The following FRK variants were observed in gnomAD, a reference collection of about 807,000 sequenced individuals.
FRK encodes tyrosine-protein kinase FRK.
A neutral mutation model predicts 56.4 loss-of-function variants in FRK; 51 were observed. The ratio of observed to expected loss-of-function variants is 0.90; its 90% CI spans 0.72 to 1.14. The LOEUF (loss-of-function observed/expected upper bound fraction) is 1.14, where lower values mean the gene tolerates loss of function less well. FRK is among the 50% of genes most tolerant of loss of function. FRK has a pLI of 0.00. For synonymous variants in FRK, 245 were observed against 217.9 expected, an observed-to-expected ratio of 1.12 and a Z score of -1.10; for missense variants, 570 against 601.4, an observed-to-expected ratio of 0.95 and a Z score of 0.55.
the FRK span, among the ~76,000 whole-genome samples, chr6:116,084,314 T>C: frequency 6.6e-6 from 1 of 151,986 alleles, no homozygotes; most frequent in South Asian, 2.1e-4. Flanking sequence ...TTTAAAATAG[T>C]ATTTATTATT....
chr6:116,015,780 G>A (rs1775625198), intron 1 of FRK, among the ~76,000 whole-genome samples: 1 of 152,150 alleles, frequency 6.6e-6, no homozygotes, highest in South Asian at 2.1e-4. Context: ...CTGCCCTAGT[G>A]ATCTGTGGAA....
intron 1 of FRK, among the ~76,000 whole-genome samples, chr6:116,018,657 T>A (rs923393970): frequency 6.6e-6 from 1 of 152,206 alleles, no homozygotes; most frequent in Non-Finnish European, 1.5e-5. Flanking sequence ...TATACAAATA[T>A]GTGTTTTGAG....
intron 5 of FRK, among the ~76,000 whole-genome samples, chr6:115,950,569 G>T (rs1429832625): frequency 6.6e-6 from 1 of 152,202 alleles, no homozygotes; most frequent in Non-Finnish European, 1.5e-5. Context: ...CACTGTTGGT[G>T]GGAGTGTAAA....
chr6:116,098,603 C>T, the FRK span, among the ~76,000 whole-genome samples: 2 of 152,134 alleles, frequency 1.3e-5, no homozygotes, highest in South Asian at 4.1e-4. Flanking sequence ...GTCTTCAACA[C>T]ATGAATGAGT....
the FRK span, among the ~76,000 whole-genome samples, chr6:116,090,273 T>C: frequency 6.6e-6 from 1 of 152,274 alleles, no homozygotes; most frequent in East Asian, 1.9e-4. Context: ...TAGGTCCTGA[T>C]TTGCATTTAG....
chr6:115,970,368 CAT>C (rs1372851953), intron 2 of FRK, among the ~76,000 whole-genome samples: 8 of 152,284 alleles, frequency 5.3e-5, no homozygotes, highest in African/African-American at 1.9e-4. Context: ...TTCACCAAAA[CAT>C]GTGTTTAAGA....
chr6:115,949,707 A>C (rs1274489321), intron 5 of FRK, among the ~76,000 whole-genome samples: 1 of 152,230 alleles, frequency 6.6e-6, no homozygotes, highest in Admixed American at 6.5e-5. Context: ...GAACCAAAAA[A>C]GAGCCCGTAT....
chr6:116,026,506 AGGAAGGAG>A (rs1230699442), intron 1 of FRK, among the ~76,000 whole-genome samples: 12 of 126,914 alleles, frequency 9.5e-5, no homozygotes, highest in South Asian at 3.1e-4. Context: ...GAAGGAAGGA[AGGAAGGAG>A]GGAGGGAGGG....
rs114970449 is a variant in FRK, at chr6:115,978,423, C to T, written c.467-9684G>A. 3.5e-3 allele frequency among the ~76,000 whole-genome samples: 525 copies of T among 152,172 alleles called. 2 individuals carry two copies. Among genetic ancestry groups the T allele is most frequent in the African/African-American group, 0.012 (513 of 41,540 alleles). ...AAAGGACGATGACTCCAGGAACTTG[C>T]CTATTATGCTTTACATAGATATCTT... On this transcript the variant is annotated intron_variant, in intron 2 of 7. Transcript: ENST00000606080.
intron 2 of FRK, among the ~76,000 whole-genome samples, chr6:115,975,319 G>T (rs1026812776): frequency 6.6e-6 from 1 of 152,126 alleles, no homozygotes; most frequent in Middle Eastern, 3.4e-3. Context: ...AAAACTGGAA[G>T]ATATGTATTA....
the FRK span, among the ~76,000 whole-genome samples, chr6:116,100,163 A>G: frequency 1.3e-5 from 2 of 152,230 alleles, no homozygotes; most frequent in African/African-American, 4.8e-5. Flanking sequence ...TTTCATAAAA[A>G]ATTCATTACA....
At position 115,941,139 on chromosome 6, in the gene FRK, G is replaced by A. The variant is rs1285575100; in HGVS notation, c.*1275C>T. ...CTGGATAAAGAAAATGTGGCACATA[G>A]ACACTATGGAATACTATGCAGCCAT... On this transcript the variant is annotated 3_prime_UTR_variant, in exon 8 of 8. Coordinates refer to ENST00000606080, the MANE Select transcript of FRK (RefSeq NM_002031.3). 6.6e-6 allele frequency: 1 copy of A among 152,122 alleles called. No individual in the cohort carries two copies. The highest frequency in any genetic ancestry group is 1.5e-5 in the Non-Finnish European group (1 of 68,018). The allele number at this position is 152,122 out of a possible 1,614,324, so 9.4% of individuals were successfully genotyped here.
Position 115,936,979 on chromosome 6 carries a change from C to T in FRK, c.*5435G>A, listed in dbSNP as rs1772064834. The T allele has an allele frequency of 6.6e-6, 1 of 152,084 alleles. No individual in the cohort carries two copies. Among genetic ancestry groups the T allele is most frequent in the Non-Finnish European group, 1.5e-5 (1 of 68,034 alleles). The allele number at this position is 152,084 out of a possible 1,614,324, so 9.4% of individuals were successfully genotyped here. A position where few individuals can be genotyped will look rare whatever the true frequency, so the allele number is the denominator to read the frequency against. On this transcript the variant is annotated 3_prime_UTR_variant, in exon 8 of 8. Coordinates refer to ENST00000606080, the MANE Select transcript of FRK (RefSeq NM_002031.3). ...CAAATTAAGGAAATACAGAGAACGC[C>T]ACAAAGATACTCCTCGAGCAGAGCA...
intron 2 of FRK, among the ~76,000 whole-genome samples, chr6:115,980,048 CAAT>C (rs1177264925): frequency 6.6e-6 from 1 of 151,958 alleles, no homozygotes; most frequent in Non-Finnish European, 1.5e-5. Flanking sequence ...ACAGAAAATA[CAAT>C]GAGCAATATC....
At chr6:116,062,360 TC>T (rs1456680035), upstream of FRK, among the ~76,000 whole-genome samples, 1 of 151,882 alleles carries the variant, frequency 6.6e-6, no homozygotes, top group Non-Finnish European at 1.5e-5. Flanking sequence ...GATATTTTGT[TC>T]CAAATACAAT....
At chr6:116,000,091 A>G (rs1250458515) in intron 2 of FRK, among the ~76,000 whole-genome samples, 1 of 152,154 alleles carries the variant, frequency 6.6e-6, no homozygotes, top group African/African-American at 2.4e-5. Context: ...CTAAGCCTGT[A>G]AAGCTGTTTT....
intron 5 of FRK, among the ~76,000 whole-genome samples, chr6:115,947,603 A>G (rs1393811515): frequency 6.6e-6 from 1 of 152,144 alleles, no homozygotes; most frequent in South Asian, 2.1e-4. Context: ...AGAGGGATGC[A>G]TTTCAAAATG....
At chr6:115,949,974 G>T (rs1017658107) in intron 5 of FRK, among the ~76,000 whole-genome samples, 1 of 152,168 alleles carries the variant, frequency 6.6e-6, no homozygotes, top group African/African-American at 2.4e-5. Flanking sequence ...AAACTGGCTA[G>T]CCATATGCAG....
At chr6:115,951,524 T>C (rs920077844) in intron 5 of FRK, among the ~76,000 whole-genome samples, 1 of 152,232 alleles carries the variant, frequency 6.6e-6, no homozygotes, top group African/African-American at 2.4e-5. Flanking sequence ...CCTCTTTAAA[T>C]TGTAATAAGA....
Sources: allele counts gnomAD v4.1 joint callset (sites outside exome capture counted in the v4.1 genomes callset), GRCh38; gene constraint gnomAD v4.1.1; transcripts MANE v1.5; gene names NCBI Gene and HGNC (gene_info 2026-07-23, HGNC 2026-07-21).